The following ST8SIA4 variants were observed in gnomAD, a reference collection of about 807,000 sequenced individuals.
ST8SIA4 encodes the protein ST8 alpha-N-acetyl-neuraminide alpha-2,8-sialyltransferase 4, also known as CMP-N-acetylneuraminate-poly-alpha-2,8-sialyltransferase.
In ST8SIA4, 15 loss-of-function variants were observed where a neutral mutation model predicts 33.9. The ratio of observed to expected loss-of-function variants is 0.44; its 90% confidence interval spans 0.30 to 0.68. The LOEUF is 0.68. ST8SIA4 is among the 30% of genes least tolerant of loss of function. The pLI is 0.10. For missense variants in ST8SIA4, 321 were observed against 428.0 expected (o/e 0.75, Z 2.21); for synonymous variants, 171 against 151.2 (o/e 1.13, Z -0.96).
chr5:100,874,983 T>A (rs1752274978), intron 3 of ST8SIA4, among the ~76,000 whole-genome samples: 1 of 152,152 alleles, frequency 6.6e-6, no homozygotes, highest in Non-Finnish European at 1.5e-5. Flanking sequence ...ATAATATCAA[T>A]TGGACAATTT....
intron 1 of ST8SIA4, among the ~76,000 whole-genome samples, chr5:100,901,127 C>A (rs1053921008): frequency 1.3e-5 from 2 of 152,230 alleles, no homozygotes; most frequent in African/African-American, 4.8e-5. Context: ...CCGTGCAATG[C>A]GGAGTGTCCC....
chr5:100,900,836 C>T (rs1038100599), intron 1 of ST8SIA4, among the ~76,000 whole-genome samples: 5 of 152,160 alleles, frequency 3.3e-5, no homozygotes, highest in African/African-American at 1.2e-4. Flanking sequence ...AAGGTTTCCC[C>T]CTATCTTCTC....
chr5:100,890,962 C>T (rs1411987123), intron 2 of ST8SIA4: 1 of 151,842 alleles, frequency 6.6e-6, no homozygotes. Context: ...ACTTCCCTTT[C>T]AACGTCACCT....
At position 100,886,515 on chromosome 5, in the gene ST8SIA4, C is replaced by T. The variant is rs1044625327; in HGVS notation, c.331G>A (p.Val111Met). The change falls in exon 3 of 5, where the codon GTG becomes ATG. Residue 111 changes from valine to methionine, a missense_variant. Val to Met is a conservative substitution (Grantham distance 21, BLOSUM62 1). Coordinates refer to ENST00000231461, the MANE Select transcript of ST8SIA4 (RefSeq NM_005668.6). ...SFKPGDVIHY[V>M]LDRRRTLNIS... ...TTTAGTGTCCGGCGCCTGTCAAGCA[C>T]ATAGTGTATGACATCACCAGGCTTA... The T allele has an allele frequency of 6.2e-7, 1 of 1,613,898 alleles. No homozygotes were observed. The highest frequency in any genetic ancestry group is 1.3e-5 in the African/African-American group (1 of 75,042).
chr5:100,858,516 T>C (rs1349904258), intron 3 of ST8SIA4, among the ~76,000 whole-genome samples: 1 of 152,110 alleles, frequency 6.6e-6, no homozygotes, highest in Non-Finnish European at 1.5e-5. Flanking sequence ...TGTATACTTT[T>C]TCTTGCCACA....
chr5:100,831,528 T>G (rs1751260692), intron 4 of ST8SIA4, among the ~76,000 whole-genome samples: 1 of 152,214 alleles, frequency 6.6e-6, no homozygotes, highest in Non-Finnish European at 1.5e-5. Context: ...AAAAGACTTA[T>G]AAAACCTACT....
At chr5:100,885,865 T>C (rs988817522) in intron 3 of ST8SIA4, 1 of 870,692 alleles carries the variant, frequency 1.1e-6, no homozygotes, top group African/African-American at 1.8e-5. Flanking sequence ...TAAAGAAATA[T>C]GGCTCAGGAT....
At chr5:100,853,723 A>G (rs1751751148) in intron 4 of ST8SIA4, among the ~76,000 whole-genome samples, 1 of 152,218 alleles carries the variant, frequency 6.6e-6, no homozygotes, top group African/African-American at 2.4e-5. Flanking sequence ...GTAAAAACCC[A>G]TGTGTATTCA....
intron 2 of ST8SIA4, among the ~76,000 whole-genome samples, chr5:100,890,404 A>G (rs1354404159): frequency 1.3e-5 from 2 of 150,832 alleles, no homozygotes; most frequent in Non-Finnish European, 3.0e-5. Flanking sequence ...CAAGGAGAAC[A>G]TATATGCTTT....
At chr5:100,876,816 G>T (rs143365631) in intron 3 of ST8SIA4, among the ~76,000 whole-genome samples, 2 of 151,738 alleles carry the variant, frequency 1.3e-5, no homozygotes, top group Non-Finnish European at 2.9e-5. Flanking sequence ...TGAGTCACTC[G>T]GTAGGAAATG....
chr5:100,849,456 A>C (rs947124528), intron 4 of ST8SIA4: 9 of 985,192 alleles, frequency 9.1e-6, no homozygotes, highest in Non-Finnish European at 9.6e-6. Flanking sequence ...TTTTCGCAGA[A>C]CCTGCAAAAT....
At chr5:100,851,958 A>T (rs994520365) in intron 4 of ST8SIA4, among the ~76,000 whole-genome samples, 5 of 151,898 alleles carry the variant, frequency 3.3e-5, no homozygotes, top group African/African-American at 7.2e-5. Context: ...TCATTAATTT[A>T]AACAGGTTAT....
At chr5:100,889,148 C>G (rs892323948) in intron 2 of ST8SIA4, among the ~76,000 whole-genome samples, 8 of 151,842 alleles carry the variant, frequency 5.3e-5, no homozygotes, top group Non-Finnish European at 1.2e-4. Flanking sequence ...TGATTTTTCA[C>G]AAAAGTTAAC....
chr5:100,885,594 TA>T (rs1364678514), intron 3 of ST8SIA4: 1 of 932,464 alleles, frequency 1.1e-6, no homozygotes, highest in East Asian at 1.2e-4. Flanking sequence ...GTCATTTAGC[TA>T]ATTTTTCTAA....
intron 3 of ST8SIA4, among the ~76,000 whole-genome samples, chr5:100,864,565 A>C (rs1752021356): frequency 8.2e-6 from 1 of 122,020 alleles, no homozygotes. Context: ...ACAGAGCAAG[A>C]CTCCGGCTCA....
Position 100,886,576 on chromosome 5 carries a change from A to C in ST8SIA4, c.270T>G (p.Asp90Glu). ...TGACCACTGACACATCTCGTTCTGCATCTAAGAAACGAAGTATGTTCTTCC... is the reference window on the plus strand; with the variant it reads ...TGACCACTGACACATCTCGTTCTGCCTCTAAGAAACGAAGTATGTTCTTCC... ...EIRKNILRFL[D>E]AERDVSVVKS... The change falls in exon 3 of 5, where the codon GAT (aspartate) becomes GAG (glutamate). Residue 90 changes from aspartate to glutamate, a missense_variant. Asp to Glu is a conservative substitution (Grantham distance 45, BLOSUM62 2). Transcript: ENST00000231461. 1 of 1,613,620 alleles carries C rather than the reference A, an allele frequency of 6.2e-7. No individual in the cohort carries two copies. Among genetic ancestry groups the C allele is most frequent in the Non-Finnish European group, 8.5e-7 (1 of 1,179,590 alleles).
At chr5:100,886,289 C>G in intron 3 of ST8SIA4, 54 bp downstream of exon 3, 1 of 1,576,936 alleles carries the variant, frequency 6.3e-7, no homozygotes, top group African/African-American at 1.4e-5. Context: ...TTTCCACCCC[C>G]AAGTAAAATA....
At chr5:100,877,401 A>G (rs1028173615) in intron 3 of ST8SIA4, among the ~76,000 whole-genome samples, 1 of 152,214 alleles carries the variant, frequency 6.6e-6, no homozygotes, top group Non-Finnish European at 1.5e-5. Flanking sequence ...GAGGAGACAC[A>G]TTGGCAATAA....
chr5:100,865,053 A>G (rs1049352539), intron 3 of ST8SIA4, among the ~76,000 whole-genome samples: 7 of 152,172 alleles, frequency 4.6e-5, no homozygotes, highest in Non-Finnish European at 1.0e-4. Flanking sequence ...TCCCCGAACA[A>G]TGGTTATGTC....
Sources: allele counts gnomAD v4.1 joint callset (sites outside exome capture counted in the v4.1 genomes callset), GRCh38; gene constraint gnomAD v4.1.1; transcripts MANE v1.5; gene names NCBI Gene and HGNC (gene_info 2026-07-23, HGNC 2026-07-21).